The following CSNK2A2IP variants were observed in gnomAD, a reference collection of about 807,000 sequenced individuals.
The protein encoded by CSNK2A2IP is casein kinase II subunit alpha'-interacting protein.
At chr3:88,375,836 C>CT in the CSNK2A2IP span, among the ~76,000 whole-genome samples, 1 of 151,794 alleles carries the variant, frequency 6.6e-6, no homozygotes, top group East Asian at 1.9e-4. Flanking sequence ...ACCATGCTCT[C>CT]TTTTTCAACT....
At chr3:88,432,172 A>C in the CSNK2A2IP span, among the ~76,000 whole-genome samples, 2 of 151,932 alleles carry the variant, frequency 1.3e-5, no homozygotes, top group Non-Finnish European at 2.9e-5. Flanking sequence ...TTACTGAATG[A>C]ATAATTAAAA....
chr3:88,448,282 T>C, the CSNK2A2IP span, among the ~76,000 whole-genome samples: 2 of 152,224 alleles, frequency 1.3e-5, no homozygotes, highest in African/African-American at 4.8e-5. Flanking sequence ...AGAGGCTTTA[T>C]TGGCAGAAAG....
At chr3:88,390,266 C>T in the CSNK2A2IP span, among the ~76,000 whole-genome samples, 5 of 152,048 alleles carry the variant, frequency 3.3e-5, no homozygotes, top group African/African-American at 9.7e-5. Context: ...TACAGAAAAC[C>T]GTCCATGTAG....
chr3:88,396,306 C>T, the CSNK2A2IP span, among the ~76,000 whole-genome samples: 1 of 151,680 alleles, frequency 6.6e-6, no homozygotes, highest in Non-Finnish European at 1.5e-5. Flanking sequence ...GGGGTTTCAC[C>T]GTGTTAGCCA....
At chr3:88,436,363 C>G in the CSNK2A2IP span, among the ~76,000 whole-genome samples, 101,015 of 151,794 alleles carry the variant, frequency 0.67, 34,579 homozygotes, top group Non-Finnish European at 0.76. Context: ...ATACTACCAA[C>G]ATAATTTCAG....
chr3:88,455,826 G>T, the CSNK2A2IP span, among the ~76,000 whole-genome samples: 4 of 151,678 alleles, frequency 2.6e-5, no homozygotes, highest in African/African-American at 9.7e-5. Context: ...GAGTTTTATG[G>T]TTTCAGGTAC....
chr3:88,435,670 AC>A, the CSNK2A2IP span, among the ~76,000 whole-genome samples: 1 of 152,106 alleles, frequency 6.6e-6, no homozygotes, highest in African/African-American at 2.4e-5. Flanking sequence ...TACTAACTGA[AC>A]ATTCTAATGG....
the CSNK2A2IP span, among the ~76,000 whole-genome samples, chr3:88,405,368 G>A: frequency 6.6e-6 from 1 of 152,202 alleles, no homozygotes; most frequent in East Asian, 1.9e-4. Flanking sequence ...TTAACCTCCG[G>A]TGAGCTTAGG....
chr3:88,457,578 T>C, the CSNK2A2IP span, among the ~76,000 whole-genome samples: 1 of 151,880 alleles, frequency 6.6e-6, no homozygotes, highest in Non-Finnish European at 1.5e-5. Flanking sequence ...TCTCCTGTGA[T>C]CCCAGCTACT....
chr3:88,467,096 C>T, the CSNK2A2IP span: 1 of 616,660 alleles, frequency 1.6e-6, no homozygotes, highest in Non-Finnish European at 2.3e-6. Context: ...TGGGCGGTAG[C>T]CCCCGAAAAC....
At chr3:88,403,687 A>G in the CSNK2A2IP span, among the ~76,000 whole-genome samples, 1 of 152,184 alleles carries the variant, frequency 6.6e-6, no homozygotes, top group African/African-American at 2.4e-5. Flanking sequence ...GCAACCTATG[A>G]TAAAGAAGCT....
the CSNK2A2IP span, among the ~76,000 whole-genome samples, chr3:88,385,067 T>C: frequency 6.6e-6 from 1 of 152,114 alleles, no homozygotes; most frequent in Non-Finnish European, 1.5e-5. Context: ...TAGATGGAGA[T>C]GAAGATTTGG....
chr3:88,390,301 T>C, the CSNK2A2IP span, among the ~76,000 whole-genome samples: 3 of 152,186 alleles, frequency 2.0e-5, no homozygotes, highest in Non-Finnish European at 4.4e-5. Context: ...GCATTAAGCA[T>C]TTTGGTAAAG....
the CSNK2A2IP span, chr3:88,465,282 C>T: frequency 1.2e-6 from 1 of 866,258 alleles, no homozygotes; most frequent in East Asian, 3.3e-5. Flanking sequence ...CCATGGATTC[C>T]CGCTAAAAGA....
chr3:88,365,314 C>A, the CSNK2A2IP span, among the ~76,000 whole-genome samples: 1 of 152,212 alleles, frequency 6.6e-6, no homozygotes, highest in East Asian at 1.9e-4. Flanking sequence ...AAATTAATAA[C>A]TTTTAGGCAG....
chr3:88,446,281 A>G, the CSNK2A2IP span, among the ~76,000 whole-genome samples: 4 of 151,402 alleles, frequency 2.6e-5, no homozygotes, highest in Non-Finnish European at 5.9e-5. Context: ...GTAGAGATTG[A>G]GTTTCACCAT....
the CSNK2A2IP span, among the ~76,000 whole-genome samples, chr3:88,444,389 A>C: frequency 6.6e-6 from 1 of 152,196 alleles, no homozygotes; most frequent in African/African-American, 2.4e-5. Context: ...AATAAGGGAA[A>C]GGTTATGTAA....
the CSNK2A2IP span, among the ~76,000 whole-genome samples, chr3:88,392,409 G>C: frequency 6.6e-6 from 1 of 152,112 alleles, no homozygotes; most frequent in African/African-American, 2.4e-5. Context: ...AGAATAGCTA[G>C]AGAAGACAAG....
At chr3:88,340,486 T>C in the CSNK2A2IP span, among the ~76,000 whole-genome samples, 1 of 152,012 alleles carries the variant, frequency 6.6e-6, no homozygotes, top group Non-Finnish European at 1.5e-5. Flanking sequence ...ATTCCTCACT[T>C]TTCAGAAACT....
Sources: allele counts gnomAD v4.1 joint callset (sites outside exome capture counted in the v4.1 genomes callset), GRCh38; gene constraint gnomAD v4.1.1; transcripts MANE v1.5; gene names NCBI Gene and HGNC (gene_info 2026-07-23, HGNC 2026-07-21).